UGT1A8: variants seen among roughly 807,000 people sequenced by gnomAD.
UGT1A8 encodes UDP glucuronosyltransferase family 1 member A8, also known as UDP-glucuronosyltransferase 1A8.
A neutral mutation model predicts 45.3 loss-of-function variants in UGT1A8; 39 were observed. The observed-to-expected ratio is 0.86, with a 90% CI of 0.67 to 1.12. UGT1A8 has a LOEUF of 1.12. Ranked by LOEUF, UGT1A8 falls within the 50% of genes most tolerant of loss-of-function variation. UGT1A8 has a pLI of 0.00. For synonymous variants in UGT1A8, 275 were observed against 249.2 expected, an observed-to-expected ratio of 1.10 and a Z score of -0.97; for missense variants, 719 against 664.9, an observed-to-expected ratio of 1.08 and a Z score of -0.90.
chr2:233,721,491 G>A (rs1273108761), intron 1 of UGT1A8: 2 of 174,316 alleles, frequency 1.1e-5, no homozygotes, highest in East Asian at 1.8e-4. Flanking sequence ...TATTATTTTA[G>A]TTTAATTGCA....
chr2:233,664,613 G>C (rs932530234), intron 1 of UGT1A8, among the ~76,000 whole-genome samples: 1 of 152,210 alleles, frequency 6.6e-6, no homozygotes, highest in African/African-American at 2.4e-5. Context: ...GATCAAGAGA[G>C]AGTTGGTGGG....
intron 1 of UGT1A8, chr2:233,636,503 G>A: frequency 6.2e-7 from 1 of 1,601,664 alleles, no homozygotes; most frequent in Non-Finnish European, 8.5e-7. Context: ...CCAGCTGCTG[G>A]CTCGGGCTGC....
intron 1 of UGT1A8, among the ~76,000 whole-genome samples, chr2:233,663,334 G>A (rs1044843405): frequency 2.0e-5 from 3 of 152,178 alleles, no homozygotes; most frequent in South Asian, 4.1e-4. Flanking sequence ...AGTTTTTAAG[G>A]AATACTTGGT....
At chr2:233,710,187 G>A (rs760238092) in intron 1 of UGT1A8, among the ~76,000 whole-genome samples, 1 of 152,152 alleles carries the variant, frequency 6.6e-6, no homozygotes, top group Admixed American at 6.5e-5. Flanking sequence ...TGGACATGTG[G>A]ATAGTTTCCA....
chr2:233,692,675 G>C (rs932907325), intron 1 of UGT1A8, among the ~76,000 whole-genome samples: 1 of 152,174 alleles, frequency 6.6e-6, no homozygotes, highest in African/African-American at 2.4e-5. Context: ...TAGAGAATTG[G>C]CAGGGGGTCC....
At chr2:233,719,235 AG>A in intron 1 of UGT1A8, 1 of 1,614,202 alleles carries the variant, frequency 6.2e-7, no homozygotes, top group Non-Finnish European at 8.5e-7. Flanking sequence ...GGCCCTGATC[AG>A]GCACCTGAAT....
At chr2:233,626,310 T>A (rs950445525) in intron 1 of UGT1A8, among the ~76,000 whole-genome samples, 1 of 152,048 alleles carries the variant, frequency 6.6e-6, no homozygotes, top group Non-Finnish European at 1.5e-5. Flanking sequence ...TAAGGCCATT[T>A]TTTTTTTCTG....
intron 1 of UGT1A8, chr2:233,719,017 A>G: frequency 6.2e-7 from 1 of 1,614,274 alleles, no homozygotes; most frequent in Non-Finnish European, 8.5e-7. Flanking sequence ...CCAGAGGTGA[A>G]TATGCACATC....
At chr2:233,675,814 C>T (rs2074336714) in intron 1 of UGT1A8, among the ~76,000 whole-genome samples, 1 of 152,092 alleles carries the variant, frequency 6.6e-6, no homozygotes, top group Admixed American at 6.6e-5. Flanking sequence ...AAATTCTTGG[C>T]ATGTCATTCC....
At chr2:233,684,170 G>A (rs6724485) in intron 1 of UGT1A8, among the ~76,000 whole-genome samples, 59,176 of 151,910 alleles carry the variant, frequency 0.39, 11,712 homozygotes, top group South Asian at 0.45. Flanking sequence ...TCTCATATTG[G>A]CAGATGTTTG....
intron 1 of UGT1A8, among the ~76,000 whole-genome samples, chr2:233,733,088 C>T (rs1321589207): frequency 6.6e-6 from 1 of 152,072 alleles, no homozygotes; most frequent in Non-Finnish European, 1.5e-5. Flanking sequence ...AATGGGAGTT[C>T]ACTCATGGTT....
chr2:233,620,513 A>G (rs1275594307), intron 1 of UGT1A8, among the ~76,000 whole-genome samples: 2 of 152,176 alleles, frequency 1.3e-5, no homozygotes, highest in Non-Finnish European at 1.5e-5. Flanking sequence ...ATAGGGAGAT[A>G]TCCATAAAAA....
Position 233,618,493 on chromosome 2 carries a change from C to G in UGT1A8, c.786C>G (p.Pro262=), listed in dbSNP as rs1221649125. Reference sequence around the variant, plus strand: ...GAACAGACTTTGTTTTGGACTATCCCAAACCCGTGATGCCCAATATGATCT... The same window carrying G: ...GAACAGACTTTGTTTTGGACTATCCGAAACCCGTGATGCCCAATATGATCT... ...LLRTDFVLDY[P]KPVMPNMIFI... Residue 262 remains proline, a synonymous_variant, in exon 1 of 5, where the codon CCC becomes CCG. Transcript: ENST00000373450. 9 of 1,613,912 alleles carry G rather than the reference C, an allele frequency of 5.6e-6. No homozygotes were observed. The highest frequency in any genetic ancestry group is 7.6e-6 in the Non-Finnish European group (9 of 1,179,814).
At position 233,760,448 on chromosome 2, in the gene UGT1A8, G is replaced by T. The variant is rs770426284; in HGVS notation, c.856-6586G>T. On this transcript the variant is annotated intron_variant, in intron 1 of 4. Coordinates refer to ENST00000373450, the MANE Select transcript of UGT1A8 (RefSeq NM_019076.5). ...GCCATCCAGCAGCTGCAGCAGAGGGGACATGAAATAGTTGTCCTAGCACCT... is the reference window on the plus strand; with the variant it reads ...GCCATCCAGCAGCTGCAGCAGAGGGTACATGAAATAGTTGTCCTAGCACCT... The T allele has an allele frequency of 1.2e-5, 19 of 1,614,238 alleles. No individual in the cohort carries two copies. In the Middle Eastern group the frequency reaches 1.3e-3, roughly 112 times the overall value.
At chr2:233,671,991 C>T (rs2074205692) in intron 1 of UGT1A8, 4 of 1,613,968 alleles carry the variant, frequency 2.5e-6, no homozygotes, top group Non-Finnish European at 3.4e-6. Context: ...TGCTGCTGAC[C>T]TGTGGCTTTG....
intron 2 of UGT1A8, among the ~76,000 whole-genome samples, chr2:233,767,485 A>G (rs764164317): frequency 5.9e-4 from 90 of 152,344 alleles, no homozygotes; most frequent in Non-Finnish European, 1.1e-3. Flanking sequence ...AAATAGAAGT[A>G]TTTCTCCAAA....
At chr2:233,659,358 C>T (rs2073920880) in intron 1 of UGT1A8, among the ~76,000 whole-genome samples, 1 of 151,940 alleles carries the variant, frequency 6.6e-6, no homozygotes, top group Non-Finnish European at 1.5e-5. Flanking sequence ...ACGTAAATAG[C>T]CAATGAACAC....
intron 1 of UGT1A8, among the ~76,000 whole-genome samples, chr2:233,629,464 C>T (rs1362198350): frequency 2.6e-5 from 4 of 152,088 alleles, no homozygotes; most frequent in Non-Finnish European, 5.9e-5. Context: ...GGATAAACCC[C>T]ACTTGGTTAT....
At chr2:233,672,462 T>A (rs772087611) in intron 1 of UGT1A8, 1 of 1,613,978 alleles carries the variant, frequency 6.2e-7, no homozygotes, top group Non-Finnish European at 8.5e-7. Context: ...TTTGCCACTA[T>A]CTTGAAGAAG....
Sources: gnomAD v4.1 joint callset for allele counts (sites outside exome capture counted in the v4.1 genomes callset) on GRCh38, gnomAD v4.1.1 for gene constraint, MANE v1.5 for transcripts, NCBI Gene and HGNC (gene_info 2026-07-23, HGNC 2026-07-21) for gene names.